Variants in DGKD observed in about 807,000 individuals in gnomAD.
DGKD encodes DAG kinase delta.
A neutral mutation model predicts 154.4 loss-of-function variants in DGKD; 68 were observed. The observed-to-expected ratio is 0.44, with a 90% CI of 0.36 to 0.54. DGKD has a LOEUF of 0.54. Ranked by LOEUF, DGKD falls within the 20% of genes least tolerant of loss-of-function variation. DGKD has a pLI of 0.00. For missense variants in DGKD, 1,343 were observed against 1,593.6 expected (o/e 0.84, Z 2.68); for synonymous variants, 693 against 638.0 (o/e 1.09, Z -1.30).
intron 1 of DGKD, among the ~76,000 whole-genome samples, chr2:233,382,715 T>G (rs1020182625): frequency 1.8e-4 from 28 of 152,254 alleles, no homozygotes; most frequent in African/African-American, 6.5e-4. Context: ...GCTCAAGACA[T>G]TAACACTAAT....
intron 3 of DGKD, among the ~76,000 whole-genome samples, chr2:233,410,603 G>C (rs1307855806): frequency 6.6e-6 from 1 of 152,176 alleles, no homozygotes; most frequent in African/African-American, 2.4e-5. Context: ...ACTTGCATAA[G>C]TTTCCTGGCT....
chr2:233,428,222 G>C (rs1290992869), intron 3 of DGKD, among the ~76,000 whole-genome samples: 2 of 152,154 alleles, frequency 1.3e-5, no homozygotes, highest in African/African-American at 4.8e-5. Flanking sequence ...TGAGAAGATG[G>C]AGGCATGGCA....
chr2:233,391,504 G>A (rs949084831), intron 3 of DGKD, among the ~76,000 whole-genome samples: 1 of 152,042 alleles, frequency 6.6e-6, no homozygotes, highest in Admixed American at 6.6e-5. Flanking sequence ...GCATTTTCTT[G>A]TAGGATTTTA....
chr2:233,435,481 A>G (rs2062658141), intron 5 of DGKD, among the ~76,000 whole-genome samples: 1 of 152,232 alleles, frequency 6.6e-6, no homozygotes, highest in African/African-American at 2.4e-5. Flanking sequence ...CATGAAATTC[A>G]AATTTGTGCC....
chr2:233,421,231 A>G (rs1194473607), intron 3 of DGKD, among the ~76,000 whole-genome samples: 1 of 151,936 alleles, frequency 6.6e-6, no homozygotes, highest in Admixed American at 6.5e-5. Context: ...GCTTCCACCC[A>G]CAGTGTCCCC....
rs1312041971 is a variant in DGKD at position 233,449,072 on chromosome 2, G to T, written c.1615-31G>T. Reference sequence around the variant, plus strand: ...CTGCAGACCCTGTTCTCCTGCCTCAGCTCTGCATGCCATTTCCTTTCCTTG... The same window carrying T: ...CTGCAGACCCTGTTCTCCTGCCTCATCTCTGCATGCCATTTCCTTTCCTTG... On this transcript the variant is annotated intron_variant, in intron 14 of 29. Transcript: ENST00000264057. The surrounding 1 kb of genome is among the most constrained non-coding windows in gnomAD (Gnocchi z 5.3). 6.4e-7 allele frequency: 1 copy of T among 1,562,876 alleles called. No individual in the cohort carries two copies. The highest frequency in any genetic ancestry group is 1.2e-5 in the South Asian group (1 of 86,214).
At position 233,445,485 on chromosome 2, in the gene DGKD, T is replaced by A. The variant is rs1339477808; in HGVS notation, c.1195-138T>A. On this transcript the variant is annotated intron_variant, in intron 10 of 29. Coordinates refer to ENST00000264057, the MANE Select transcript of DGKD (RefSeq NM_152879.3). This position sits in a 1 kb window ranked among gnomAD's most constrained non-coding sequence, Gnocchi z 5.5. ...CCTCCAGTGGGCTCTGCCTGTAATGTGTAAGCTGCGTGGTTTTAGGTCACG... is the reference window on the plus strand; with the variant it reads ...CCTCCAGTGGGCTCTGCCTGTAATGAGTAAGCTGCGTGGTTTTAGGTCACG... 1.6e-6 allele frequency: 2 copies of A among 1,224,536 alleles called. No homozygotes were observed. Among genetic ancestry groups the A allele is most frequent in the African/African-American group, 1.6e-5 (1 of 63,718 alleles). The allele number at this position is 1,224,536 out of a possible 1,614,324, so 75.9% of individuals were successfully genotyped here. A position where few individuals can be genotyped will look rare whatever the true frequency, so the allele number is the denominator to read the frequency against.
At chr2:233,363,067 A>T (rs1238950004) in intron 1 of DGKD, among the ~76,000 whole-genome samples, 1 of 152,240 alleles carries the variant, frequency 6.6e-6, no homozygotes, top group African/African-American at 2.4e-5. Context: ...TATACTTTTT[A>T]TTATTTTAGA....
chr2:233,356,996 A>T (rs926048288), intron 1 of DGKD, among the ~76,000 whole-genome samples: 13 of 152,202 alleles, frequency 8.5e-5, no homozygotes, highest in Non-Finnish European at 1.5e-5. Context: ...CACACAGGTG[A>T]TGTGAGAACT....
intron 27 of DGKD, 143 bp from the exon 28 acceptor site, chr2:233,466,943 G>C (rs2124966889): frequency 1.5e-6 from 1 of 678,672 alleles, no homozygotes; most frequent in Middle Eastern, 3.2e-4. Flanking sequence ...ATAAGGGAGA[G>C]AAGCCCTTTC....
intron 3 of DGKD, among the ~76,000 whole-genome samples, chr2:233,414,734 G>A (rs1219613795): frequency 6.6e-6 from 1 of 152,186 alleles, no homozygotes; most frequent in African/African-American, 2.4e-5. Context: ...TTCAAGAAGT[G>A]CAATAGTAGT....
In DGKD at chr2:233,438,580, G is replaced by A. The variant is rs191599528; in HGVS notation, c.1085+201G>A. On this transcript the variant is annotated intron_variant, in intron 9 of 29. Coordinates refer to ENST00000264057, the MANE Select transcript of DGKD (RefSeq NM_152879.3). This position sits in a 1 kb window ranked among gnomAD's most constrained non-coding sequence, Gnocchi z 4.1. ...CCTTCCAACTTTGAACACAGTGCGC[G>A]TGTGCACACACGTACATACATCCAT... Among the ~76,000 whole-genome samples, 2 of 152,208 alleles carry A rather than the reference G, an allele frequency of 1.3e-5. No individual in the cohort carries two copies. Among genetic ancestry groups the A allele is most frequent in the African/African-American group, 4.8e-5 (2 of 41,530 alleles).
chr2:233,388,161 C>A, intron 1 of DGKD, 96 bp from the exon 2 acceptor site: 4 of 1,559,132 alleles, frequency 2.6e-6, no homozygotes, highest in Non-Finnish European at 3.5e-6. Flanking sequence ...GTTAGAGACA[C>A]GAATATGTTT....
Position 233,469,921 on chromosome 2 carries a change from G to GGCACCCTGTGGCTT in DGKD, c.*461_*462insGCACCCTGTGGCTT, listed in dbSNP as rs2063956218. ...TTCTCAGAAACGTGGCTGGGGCCCA[G>GGCACCCTGTGGCTT]CACAGCAGCCTGCAAGGGCCCCTGT... is the stretch of plus-strand genomic sequence containing the variant. On this transcript the variant is annotated 3_prime_UTR_variant, in exon 30 of 30. Coordinates refer to ENST00000264057, the MANE Select transcript of DGKD (RefSeq NM_152879.3). 1 of 156,892 alleles carries GGCACCCTGTGGCTT rather than the reference G, an allele frequency of 6.4e-6. No individual in the cohort carries two copies. The highest frequency in any genetic ancestry group is 2.4e-5 in the African/African-American group (1 of 41,498). The allele number at this position is 156,892 out of a possible 1,614,324, so 9.7% of individuals were successfully genotyped here. A position where few individuals can be genotyped will look rare whatever the true frequency, so the allele number is the denominator to read the frequency against.
intron 1 of DGKD, among the ~76,000 whole-genome samples, chr2:233,365,704 G>C (rs1171332422): frequency 6.6e-6 from 1 of 152,186 alleles, no homozygotes; most frequent in Non-Finnish European, 1.5e-5. Flanking sequence ...AAATTATAGA[G>C]TATGTTCTGA....
chr2:233,463,367 C>G (rs2063716469), intron 26 of DGKD, among the ~76,000 whole-genome samples: 1 of 137,896 alleles, frequency 7.3e-6, no homozygotes, highest in Non-Finnish European at 1.7e-5. Flanking sequence ...CACATCACCT[C>G]ACTCCACACA....
At chr2:233,410,508 A>C (rs7599218) in intron 3 of DGKD, among the ~76,000 whole-genome samples, 1,928 of 152,222 alleles carry the variant, frequency 0.013, 31 homozygotes, top group African/African-American at 0.044. Flanking sequence ...ACCAATGAAG[A>C]GATTGGGTAT....
At chr2:233,406,858 C>T (rs2061699163) in intron 3 of DGKD, among the ~76,000 whole-genome samples, 1 of 152,166 alleles carries the variant, frequency 6.6e-6, no homozygotes, top group African/African-American at 2.4e-5. Flanking sequence ...TCTCAGGATG[C>T]TTGCCCTGAA....
In DGKD at chr2:233,443,313, A is replaced by G. The variant is rs751520562; in HGVS notation, c.1194+1318A>G. 2.5e-4 allele frequency among the ~76,000 whole-genome samples: 38 copies of G among 150,344 alleles called. 1 individual carries two copies. The highest frequency in any genetic ancestry group is 5.3e-4 in the Non-Finnish European group (36 of 67,504). ...AGTTTTAAATAAATCACCTGTTCAT[A>G]TTTTTTTTTGCCTCATTTTCTCTTT... On this transcript the variant is annotated intron_variant, in intron 10 of 29. Coordinates refer to ENST00000264057, the MANE Select transcript of DGKD (RefSeq NM_152879.3).
Sources: allele counts gnomAD v4.1 joint callset (sites outside exome capture counted in the v4.1 genomes callset), GRCh38; gene constraint gnomAD v4.1.1; non-coding constraint Gnocchi (gnomAD v3.1); transcripts MANE v1.5; gene names NCBI Gene and HGNC (gene_info 2026-07-23, HGNC 2026-07-21).